MACROD2: variants seen among roughly 807,000 people sequenced by gnomAD.
The protein encoded by MACROD2 is mono-ADP ribosylhydrolase 2, also known as ADP-ribose glycohydrolase MACROD2.
MACROD2 carries 36 observed loss-of-function variants against 70.4 expected under a neutral mutation model. The observed-to-expected ratio is 0.51, with a 90% CI of 0.39 to 0.68. The LOEUF (loss-of-function observed/expected upper bound fraction) is 0.68, where lower values mean the gene tolerates loss of function less well. Among genes scored for constraint, MACROD2 ranks in the 30% least tolerant of loss-of-function variants. The probability of loss-of-function intolerance (pLI) is 0.00; values close to 1 mark genes in which losing one functional copy is unlikely to be tolerated. For synonymous variants in MACROD2, 172 were observed against 178.8 expected (o/e 0.96, Z 0.30); for missense variants, 496 against 538.4 (o/e 0.92, Z 0.78).
intron 5 of MACROD2, among the ~76,000 whole-genome samples, chr20:15,225,318 A>G (rs948825191): frequency 1.3e-5 from 2 of 152,174 alleles, no homozygotes; most frequent in Non-Finnish European, 2.9e-5. Context: ...TTTTATAAGG[A>G]CAGGGTAAAT....
At chr20:14,754,032 T>C (rs1216258593) in intron 5 of MACROD2, among the ~76,000 whole-genome samples, 1 of 152,084 alleles carries the variant, frequency 6.6e-6, no homozygotes, top group Non-Finnish European at 1.5e-5. Context: ...GAGAGGCAGA[T>C]GGAAATCAAC....
intron 5 of MACROD2, among the ~76,000 whole-genome samples, chr20:15,088,723 T>A (rs1337684358): frequency 6.6e-6 from 1 of 151,762 alleles, no homozygotes; most frequent in African/African-American, 2.4e-5. Context: ...CATAAATATA[T>A]AATAACTCTA....
At chr20:14,624,226 A>G (rs557316552) in intron 4 of MACROD2, among the ~76,000 whole-genome samples, 132 of 152,288 alleles carry the variant, frequency 8.7e-4, no homozygotes, top group Non-Finnish European at 1.1e-3. Flanking sequence ...GCCTCTCCAA[A>G]GTAAAGGAGA....
chr20:15,495,866 A>T (rs2047291181), intron 7 of MACROD2, among the ~76,000 whole-genome samples: 1 of 152,234 alleles, frequency 6.6e-6, no homozygotes, highest in Admixed American at 6.5e-5. Flanking sequence ...TTTCCTGAAG[A>T]AGTGATCACC....
At chr20:15,046,141 T>C (rs568416511) in intron 5 of MACROD2, among the ~76,000 whole-genome samples, 2 of 152,148 alleles carry the variant, frequency 1.3e-5, no homozygotes, top group South Asian at 4.2e-4. Context: ...AGACTCCTCC[T>C]AGAACAATAT....
At chr20:15,637,774 A>G (rs536848383) in intron 8 of MACROD2, among the ~76,000 whole-genome samples, 2 of 152,306 alleles carry the variant, frequency 1.3e-5, no homozygotes, top group South Asian at 4.1e-4. Flanking sequence ...CCCCTCTTCC[A>G]TGATTGTCAC....
At chr20:15,936,034 T>C (rs1303585496) in intron 11 of MACROD2, among the ~76,000 whole-genome samples, 2 of 152,088 alleles carry the variant, frequency 1.3e-5, no homozygotes, top group Admixed American at 6.6e-5. Flanking sequence ...GGACAAAAGA[T>C]AGGCTAGAAA....
chr20:14,327,605 T>C, intron 3 of MACROD2: 2 of 1,279,918 alleles, frequency 1.6e-6, no homozygotes, highest in Non-Finnish European at 2.1e-6. Context: ...AAGGCCAGCA[T>C]ACTGAATATA....
intron 15 of MACROD2, among the ~76,000 whole-genome samples, chr20:16,020,294 C>A (rs534743232): frequency 6.6e-6 from 1 of 152,178 alleles, no homozygotes; most frequent in African/African-American, 2.4e-5. Flanking sequence ...GGCTTTTGCA[C>A]CTTCTGCTCT....
At chr20:15,343,495 T>TG (rs1377043185) in intron 6 of MACROD2, among the ~76,000 whole-genome samples, 2 of 152,200 alleles carry the variant, frequency 1.3e-5, no homozygotes, top group African/African-American at 4.8e-5. Flanking sequence ...CAGTGATATC[T>TG]TCTCTCTCCC....
At chr20:14,407,759 T>C (rs960581203) in intron 3 of MACROD2, among the ~76,000 whole-genome samples, 1 of 152,200 alleles carries the variant, frequency 6.6e-6, no homozygotes, top group African/African-American at 2.4e-5. Context: ...AGGCAAAATG[T>C]GATTCACAAT....
chr20:15,288,889 C>CTATT (rs2077516753), intron 6 of MACROD2, among the ~76,000 whole-genome samples: 1 of 151,880 alleles, frequency 6.6e-6, no homozygotes. Flanking sequence ...ATCTATCTAT[C>CTATT]TATCTATCTA....
At chr20:14,860,683 A>T (rs1241344136) in intron 5 of MACROD2, among the ~76,000 whole-genome samples, 1 of 152,104 alleles carries the variant, frequency 6.6e-6, no homozygotes, top group Non-Finnish European at 1.5e-5. Flanking sequence ...CTTTCACATA[A>T]AAGAGGGCAG....
At chr20:15,073,641 A>G (rs1323944864) in intron 5 of MACROD2, among the ~76,000 whole-genome samples, 1 of 152,166 alleles carries the variant, frequency 6.6e-6, no homozygotes, top group Non-Finnish European at 1.5e-5. Context: ...ACTCCATCTC[A>G]TGTATAAGTT....
At chr20:15,434,078 A>G in intron 7 of MACROD2, among the ~76,000 whole-genome samples, 1 of 152,032 alleles carries the variant, frequency 6.6e-6, no homozygotes, top group East Asian at 1.9e-4. Context: ...AAGACCTGAA[A>G]CCATAAAAAT....
chr20:15,933,166 G>T, intron 10 of MACROD2, 110 bp from the exon 11 acceptor site: 1 of 980,092 alleles, frequency 1.0e-6, no homozygotes, highest in South Asian at 1.5e-5. Flanking sequence ...GCTTTATGGG[G>T]AGTCATGCTA....
At chr20:14,283,245 T>G (rs958936895) in intron 3 of MACROD2, among the ~76,000 whole-genome samples, 1 of 152,216 alleles carries the variant, frequency 6.6e-6, no homozygotes, top group African/African-American at 2.4e-5. Context: ...TTATTTAAAA[T>G]TTATTGTCAA....
intron 3 of MACROD2, among the ~76,000 whole-genome samples, chr20:14,168,573 T>A (rs571241524): frequency 6.6e-6 from 1 of 152,332 alleles, no homozygotes; most frequent in Admixed American, 6.5e-5. Flanking sequence ...TTATTATTAT[T>A]AACTAAAGTC....
intron 10 of MACROD2, among the ~76,000 whole-genome samples, chr20:15,890,131 A>T (rs1323407401): frequency 6.6e-6 from 1 of 152,192 alleles, no homozygotes; most frequent in African/African-American, 2.4e-5. Flanking sequence ...ACATGTAAGC[A>T]TGCCCACTGA....
Sources: allele counts gnomAD v4.1 joint callset (sites outside exome capture counted in the v4.1 genomes callset), GRCh38; gene constraint gnomAD v4.1.1; transcripts MANE v1.5; gene names NCBI Gene and HGNC (gene_info 2026-07-23, HGNC 2026-07-21).